Variants in CELF2 observed in about 807,000 individuals in gnomAD.
CELF2 encodes CUGBP Elav-like family member 2, also known as CUG triplet repeat RNA-binding protein 2.
In CELF2, 8 loss-of-function variants were observed where a neutral mutation model predicts 62.6. That is an observed-to-expected ratio of 0.13 (90% CI 0.07 to 0.23). The LOEUF is 0.23. CELF2 is among the 10% of genes least tolerant of loss of function. The pLI, the probability that CELF2 is intolerant of heterozygous loss-of-function variation, is 1.00. For synonymous variants in CELF2, 258 were observed against 250.0 expected, an observed-to-expected ratio of 1.03 and a Z score of -0.30; for missense variants, 333 against 671.0, an observed-to-expected ratio of 0.50 and a Z score of 5.56.
intron 1 of CELF2, among the ~76,000 whole-genome samples, chr10:11,058,468 T>TGTTTTTTTTTTTTTTTTTTTTTG: frequency 7.0e-6 from 1 of 143,518 alleles, no homozygotes; most frequent in Non-Finnish European, 1.5e-5. Context: ...TTGGTTTTTT[T>TGTTTTTTTTTTTTTTTTTTTTTG]TTTTTTTTTT....
In CELF2 at chr10:11,267,153, T is replaced by C. The variant is rs2082376467; in HGVS notation, c.618+476T>C. Among the ~76,000 whole-genome samples the C allele has an allele frequency of 1.3e-5, 2 of 152,250 alleles. No individual in the cohort carries two copies. The highest frequency in any genetic ancestry group is 4.8e-5 in the African/African-American group (2 of 41,458). On this transcript the variant is annotated intron_variant, in intron 6 of 12. Coordinates refer to ENST00000633077, the MANE Select transcript of CELF2 (RefSeq NM_001326342.2). The surrounding 1 kb of genome is among the most constrained non-coding windows in gnomAD (Gnocchi z 4.4). ...ATCTAGTCAAACAGCATTGTGTTTT[T>C]ACATCAAGAATGTTGGAGAAAGTTA... is the stretch of plus-strand genomic sequence containing the variant.
chr10:10,855,162 G>C (rs986612303), intron 1 of CELF2, among the ~76,000 whole-genome samples: 1 of 152,186 alleles, frequency 6.6e-6, no homozygotes, highest in African/African-American at 2.4e-5. Flanking sequence ...AGCTTGATCA[G>C]TTTTCTCAGT....
At chr10:10,880,232 G>A (rs1186912154) in intron 1 of CELF2, among the ~76,000 whole-genome samples, 2 of 152,142 alleles carry the variant, frequency 1.3e-5, no homozygotes, top group Non-Finnish European at 2.9e-5. Flanking sequence ...TGAGGGGCTG[G>A]GCCTACCAGG....
Position 10,993,302 on chromosome 10 carries a change from A to G in CELF2, c.89+73303A>G, listed in dbSNP as rs1311897015. 6.6e-6 allele frequency among the ~76,000 whole-genome samples: 1 copy of G among 152,088 alleles called. No homozygotes were observed. Among genetic ancestry groups the G allele is most frequent in the Non-Finnish European group, 1.5e-5 (1 of 67,988 alleles). On this transcript the variant is annotated intron_variant, in intron 2 of 13. Coordinates refer to the CELF2 transcript ENST00000636488. The surrounding 1 kb of genome is among the most constrained non-coding windows in gnomAD (Gnocchi z 5.3). Reference sequence around the variant, plus strand: ...GGCCAAACTACATTTGACTCATTACAAAGGCTTTGACTCATTTCAAAGCCA... The same window carrying G: ...GGCCAAACTACATTTGACTCATTACGAAGGCTTTGACTCATTTCAAAGCCA...
intron 2 of CELF2, among the ~76,000 whole-genome samples, chr10:11,197,060 AAGAAAGAAAG>A (rs1393365045): frequency 1.2e-4 from 13 of 106,554 alleles, no homozygotes; most frequent in South Asian, 7.8e-4. Flanking sequence ...AAAGAAAGAA[AAGAAAGAAAG>A]GAAAGAAAGA....
intron 2 of CELF2, among the ~76,000 whole-genome samples, chr10:10,982,395 T>C (rs1329775133): frequency 1.3e-5 from 2 of 152,198 alleles, no homozygotes; most frequent in Non-Finnish European, 2.9e-5. Flanking sequence ...AATATATTTG[T>C]AAACCGACAA....
chr10:11,130,897 T>G (rs1383955848), intron 1 of CELF2, among the ~76,000 whole-genome samples: 2 of 152,182 alleles, frequency 1.3e-5, no homozygotes, highest in African/African-American at 4.8e-5. Flanking sequence ...AGAAAGCCAG[T>G]CCCTCCAAAG....
Position 11,243,090 on chromosome 10 carries a change from CTG to C in CELF2, c.355-6058_355-6057del, listed in dbSNP as rs2074479270. Among the ~76,000 whole-genome samples the C allele has an allele frequency of 6.6e-6, 1 of 152,288 alleles. No individual in the cohort carries two copies. The highest frequency in any genetic ancestry group is 3.4e-3 in the Middle Eastern group (1 of 294). On this transcript the variant is annotated intron_variant, in intron 3 of 12. Coordinates refer to ENST00000633077, the MANE Select transcript of CELF2 (RefSeq NM_001326342.2). This position sits in a 1 kb window ranked among gnomAD's most constrained non-coding sequence, Gnocchi z 4.1. ...AGCAGACCCCTGAAGGACTATATCT[CTG>C]TGTGCCGAGATGCTCCCCTCCATGA... is the stretch of plus-strand genomic sequence containing the variant.
At chr10:10,787,854 G>A in the CELF2 span, among the ~76,000 whole-genome samples, 1 of 152,010 alleles carries the variant, frequency 6.6e-6, no homozygotes. Context: ...CCCAGAGATG[G>A]CATGGCAGTG....
chr10:11,271,766 C>A (rs2083884068), intron 7 of CELF2, among the ~76,000 whole-genome samples: 1 of 151,930 alleles, frequency 6.6e-6, no homozygotes. Flanking sequence ...TTCATTCTGT[C>A]ATTTTACATT....
the CELF2 span, among the ~76,000 whole-genome samples, chr10:10,709,751 T>C: frequency 6.6e-6 from 1 of 152,222 alleles, no homozygotes; most frequent in African/African-American, 2.4e-5. Context: ...CTCAGTTACA[T>C]CCATTAAGAA....
At chr10:10,602,423 A>C in the CELF2 span, among the ~76,000 whole-genome samples, 1 of 152,164 alleles carries the variant, frequency 6.6e-6, no homozygotes, top group African/African-American at 2.4e-5. Context: ...ACTTTGTGCA[A>C]ACGGTAGGAA....
intron 1 of CELF2, among the ~76,000 whole-genome samples, chr10:11,113,414 A>G (rs567223542): frequency 6.0e-4 from 91 of 152,282 alleles, no homozygotes; most frequent in Middle Eastern, 3.4e-3. Context: ...GTTCTCCTCT[A>G]TGCTATCACT....
intron 1 of CELF2, among the ~76,000 whole-genome samples, chr10:11,019,866 T>C (rs552006431): frequency 6.6e-6 from 1 of 152,338 alleles, no homozygotes; most frequent in Non-Finnish European, 1.5e-5. Context: ...GAAAGTTTTA[T>C]GCGTTTTCTC....
chr10:11,248,234 T>C (rs946831704), intron 3 of CELF2, among the ~76,000 whole-genome samples: 3 of 152,100 alleles, frequency 2.0e-5, no homozygotes, highest in Admixed American at 6.5e-5. Flanking sequence ...TGATTCTAAT[T>C]GGTAATGGTG....
rs1173649141 is a variant in CELF2 at position 11,046,143 on chromosome 10, C to T, written c.74+27980C>T. Among the ~76,000 whole-genome samples, 2 of 152,312 alleles carry T rather than the reference C, an allele frequency of 1.3e-5. No individual in the cohort carries two copies. The highest frequency in any genetic ancestry group is 4.8e-5 in the African/African-American group (2 of 41,574). On this transcript the variant is annotated intron_variant, in intron 1 of 12. Coordinates refer to ENST00000633077, the MANE Select transcript of CELF2 (RefSeq NM_001326342.2). This position sits in a 1 kb window ranked among gnomAD's most constrained non-coding sequence, Gnocchi z 4.6. ...TTTGCTGCTGTTTAATGTTTTCCTG[C>T]CTCCCCAACCGGGCTGCACGCCAGC...
rs1384084308 is a variant in CELF2, at chr10:10,957,880, A to G, written c.89+37881A>G. 6.6e-6 allele frequency among the ~76,000 whole-genome samples: 1 copy of G among 152,210 alleles called. No homozygotes were observed. The highest frequency in any genetic ancestry group is 1.5e-5 in the Non-Finnish European group (1 of 68,036). On this transcript the variant is annotated intron_variant, in intron 2 of 13. Transcript: ENST00000636488. The surrounding 1 kb of genome is among the most constrained non-coding windows in gnomAD (Gnocchi z 4.1). ...CCCATGGTGAGATGATATGAAACTA[A>G]GCACTTGAATCACTTCAGATTGTTT...
the CELF2 span, among the ~76,000 whole-genome samples, chr10:10,650,625 G>A: frequency 2.0e-5 from 3 of 152,196 alleles, no homozygotes; most frequent in African/African-American, 7.2e-5. Context: ...ACTGCAATGA[G>A]ATACAACTTC....
chr10:10,927,355 A>AAAAAAAAAAAAAC (rs2065612360), intron 2 of CELF2: 1 of 150,408 alleles, frequency 6.6e-6, no homozygotes, highest in African/African-American at 2.5e-5. Context: ...TTAAAAAAAA[A>AAAAAAAAAAAAAC]AAAAAAAAAA....
Sources: allele counts gnomAD v4.1 joint callset (sites outside exome capture counted in the v4.1 genomes callset), GRCh38; gene constraint gnomAD v4.1.1; non-coding constraint Gnocchi (gnomAD v3.1); transcripts MANE v1.5; gene names NCBI Gene and HGNC (gene_info 2026-07-23, HGNC 2026-07-21).